The following SERINC5 variants were observed in gnomAD, a reference collection of about 807,000 sequenced individuals.
The protein encoded by SERINC5 is chromosome 5 open reading frame 12.
A neutral mutation model predicts 63.1 loss-of-function variants in SERINC5; 41 were observed. The ratio of observed to expected loss-of-function variants is 0.65; its 90% CI spans 0.51 to 0.84. The LOEUF (loss-of-function observed/expected upper bound fraction) is 0.84. Among genes scored for constraint, SERINC5 ranks in the 40% least tolerant of loss-of-function variants. The pLI is 0.00. For missense variants in SERINC5, 523 were observed against 573.0 expected, an observed-to-expected ratio of 0.91 and a Z score of 0.89; for synonymous variants, 222 against 215.2, an observed-to-expected ratio of 1.03 and a Z score of -0.28.
chr5:80,114,880 G>A (rs959681884), intron 11 of SERINC5, among the ~76,000 whole-genome samples: 3 of 151,994 alleles, frequency 2.0e-5, no homozygotes, highest in African/African-American at 7.3e-5. Context: ...TGTAAGAAAT[G>A]TTTTTAAATG....
At chr5:80,217,438 C>T (rs1045049448) in intron 1 of SERINC5, among the ~76,000 whole-genome samples, 1 of 152,144 alleles carries the variant, frequency 6.6e-6, no homozygotes, top group African/African-American at 2.4e-5. Flanking sequence ...GCCCCAGTGC[C>T]AGCTAGATGC....
intron 2 of SERINC5, among the ~76,000 whole-genome samples, chr5:80,187,040 T>G (rs181927381): frequency 5.2e-4 from 79 of 151,958 alleles, no homozygotes; most frequent in African/African-American, 1.9e-3. Flanking sequence ...GTGGCACACG[T>G]CTGTAGTCCC....
intron 1 of SERINC5, among the ~76,000 whole-genome samples, chr5:80,220,971 G>A (rs1258530619): frequency 6.6e-6 from 1 of 152,032 alleles, no homozygotes; most frequent in African/African-American, 2.4e-5. Flanking sequence ...AGGAAGTGGA[G>A]GAAGCCCCCC....
chr5:80,124,123 C>A (rs1362190966), intron 11 of SERINC5, among the ~76,000 whole-genome samples: 1 of 152,126 alleles, frequency 6.6e-6, no homozygotes, highest in Non-Finnish European at 1.5e-5. Flanking sequence ...CTGCAGTAAC[C>A]AATCCAGGAA....
chr5:80,232,406 A>AG (rs1561445040), intron 1 of SERINC5, among the ~76,000 whole-genome samples: 1 of 90,612 alleles, frequency 1.1e-5, no homozygotes, highest in African/African-American at 4.4e-5. Flanking sequence ...TCTGTCTCAA[A>AG]GAAAAAAAAA....
At chr5:80,240,710 G>C (rs1751904931) in intron 1 of SERINC5, among the ~76,000 whole-genome samples, 1 of 152,178 alleles carries the variant, frequency 6.6e-6, no homozygotes, top group South Asian at 2.1e-4. Flanking sequence ...TGCTGCCCAG[G>C]CTGGAGTGCA....
In SERINC5 at chr5:80,169,251, A is replaced by G. The variant is rs533964523; in HGVS notation, c.763+84T>C. The G allele has an allele frequency of 1.1e-4, 128 of 1,207,218 alleles. No individual in the cohort carries two copies. In the African/African-American group the frequency reaches 1.8e-3, roughly 17 times the overall value. The allele number at this position is 1,207,218 out of a possible 1,614,324, so 74.8% of individuals were successfully genotyped here. A position where few individuals can be genotyped will look rare whatever the true frequency, so the allele number is the denominator to read the frequency against. On this transcript the variant is annotated intron_variant, in intron 6 of 11. Transcript: ENST00000507668. ...GGAATACACTAGTTCCAAACAAACA[A>G]AACAAAACAAAAAAAGCCATTGGGT...
At chr5:80,162,750 C>G (rs1176898700) in intron 7 of SERINC5, among the ~76,000 whole-genome samples, 1 of 151,938 alleles carries the variant, frequency 6.6e-6, no homozygotes, top group East Asian at 1.9e-4. Context: ...AAATTTATTC[C>G]TAGTTATTTT....
At chr5:80,179,331 T>G (rs62364027) in intron 2 of SERINC5, among the ~76,000 whole-genome samples, 1 of 152,054 alleles carries the variant, frequency 6.6e-6, no homozygotes, top group Non-Finnish European at 1.5e-5. Context: ...CAATAAGCCA[T>G]GAAGAGTCTT....
At chr5:80,218,857 C>G (rs1156329819) in intron 1 of SERINC5, among the ~76,000 whole-genome samples, 1 of 152,014 alleles carries the variant, frequency 6.6e-6, no homozygotes, top group Admixed American at 6.6e-5. Flanking sequence ...GGGCTCACTG[C>G]TCAAAAGAAC....
At chr5:80,135,363 G>A (rs1282083593), downstream of SERINC5, among the ~76,000 whole-genome samples, 2 of 152,112 alleles carry the variant, frequency 1.3e-5, no homozygotes, top group African/African-American at 4.8e-5. Flanking sequence ...AGTAAAGGAA[G>A]GCCGACCCAG....
At position 80,141,445 on chromosome 5, in the gene SERINC5, T is replaced by G. The variant is rs1178418682; in HGVS notation, c.*2218A>C. The G allele has an allele frequency of 1.2e-5, 12 of 985,354 alleles. No individual in the cohort carries two copies. Among genetic ancestry groups the G allele is most frequent in the Non-Finnish European group, 1.4e-5 (12 of 829,994 alleles). The allele number at this position is 985,354 out of a possible 1,614,324, so 61.0% of individuals were successfully genotyped here. On this transcript the variant is annotated 3_prime_UTR_variant, in exon 12 of 12. Coordinates refer to ENST00000507668, the MANE Select transcript of SERINC5 (RefSeq NM_001174072.3). Reference sequence around the variant, plus strand: ...AATACAAGGCCTTGTCAGCTGGACCTTGACTGCGCGTAAGGTCAGTTTCTC... The same window carrying G: ...AATACAAGGCCTTGTCAGCTGGACCGTGACTGCGCGTAAGGTCAGTTTCTC...
chr5:80,232,144 C>T lies in SERINC5; in HGVS notation c.27+23752G>A, dbSNP rs371503080. Among the ~76,000 whole-genome samples, 139 of 151,020 alleles carry T rather than the reference C, an allele frequency of 9.2e-4. 1 individual carries two copies. In the Middle Eastern group the frequency reaches 0.014, roughly 15 times the overall value. On this transcript the variant is annotated intron_variant, in intron 1 of 11. Transcript: ENST00000507668. ...AAAAGGCCGGGCAAGGTGGCTCACG[C>T]CTGTAATCCCAGCATTTTGGGAGGC...
Position 80,203,023 on chromosome 5 carries a change from A to C in SERINC5, c.58T>G (p.Ser20Ala). Reference sequence around the variant, plus strand: ...CTGGGGCAGCAATCACAGCAGAGAGAGCAGCCTGCAGACCCACAGCAGCAG... The same window carrying C: ...CTGGGGCAGCAATCACAGCAGAGAGCGCAGCCTGCAGACCCACAGCAGCAG... The part of the protein sequence containing the change: ...LACCCGSAGC[S>A]LCCDCCPRIR... The change falls in exon 2 of 12, where the codon TCT becomes GCT. Residue 20 changes from serine to alanine, a missense_variant. Physicochemically the swap from Ser to Ala is moderately conservative, Grantham distance 99 (BLOSUM62 1). Transcript: ENST00000507668. 1 of 1,611,914 alleles carries C rather than the reference A, an allele frequency of 6.2e-7. No homozygotes were observed. Among genetic ancestry groups the C allele is most frequent in the South Asian group, 1.1e-5 (1 of 90,738 alleles).
chr5:80,196,204 G>A (rs773587602), intron 2 of SERINC5, among the ~76,000 whole-genome samples: 3 of 151,978 alleles, frequency 2.0e-5, no homozygotes, highest in Non-Finnish European at 4.4e-5. Flanking sequence ...ACAAGCAGAT[G>A]CACATATGGG....
chr5:80,208,435 G>A (rs1352869558), intron 1 of SERINC5, among the ~76,000 whole-genome samples: 1 of 149,240 alleles, frequency 6.7e-6, no homozygotes, highest in Non-Finnish European at 1.5e-5. Flanking sequence ...ACAAAACAGT[G>A]CCTGCCCCCC....
chr5:80,253,588 T>C (rs752685979), intron 1 of SERINC5, among the ~76,000 whole-genome samples: 6 of 152,090 alleles, frequency 3.9e-5, no homozygotes, highest in Non-Finnish European at 8.8e-5. Flanking sequence ...CCATTTCTGG[T>C]CCTGCTCTTC....
chr5:80,146,897 G>T (rs142236166), intron 10 of SERINC5, among the ~76,000 whole-genome samples: 13 of 152,314 alleles, frequency 8.5e-5, no homozygotes, highest in African/African-American at 2.6e-4. Context: ...TGGAAAGTAA[G>T]GTGAAGGAAT....
chr5:80,123,685 G>A (rs1441736140), intron 11 of SERINC5, among the ~76,000 whole-genome samples: 1 of 152,200 alleles, frequency 6.6e-6, no homozygotes, highest in Non-Finnish European at 1.5e-5. Flanking sequence ...GGAAAACAAA[G>A]TTAAGCAAAA....
Sources: allele counts gnomAD v4.1 joint callset (sites outside exome capture counted in the v4.1 genomes callset), GRCh38; gene constraint gnomAD v4.1.1; transcripts MANE v1.5; gene names NCBI Gene and HGNC (gene_info 2026-07-23, HGNC 2026-07-21).